PDE4D: variants seen among roughly 807,000 people sequenced by gnomAD.
PDE4D encodes the protein phosphodiesterase 4D, also known as 3',5'-cyclic-AMP phosphodiesterase 4D.
PDE4D carries 24 observed loss-of-function variants against 87.4 expected under a neutral mutation model. The observed-to-expected ratio is 0.27, with a 90% confidence interval of 0.20 to 0.39. PDE4D has a LOEUF of 0.39. Ranked by LOEUF, PDE4D falls within the 10% of genes least tolerant of loss-of-function variation. PDE4D has a pLI of 1.00. For synonymous variants in PDE4D, 384 were observed against 383.2 expected (o/e 1.00, Z -0.02); for missense variants, 714 against 1,041.0 (o/e 0.69, Z 4.32).
chr5:59,658,769 T>C (rs923089079), intron 1 of PDE4D, among the ~76,000 whole-genome samples: 2 of 152,136 alleles, frequency 1.3e-5, no homozygotes, highest in Non-Finnish European at 2.9e-5. Flanking sequence ...CTTTATTGCA[T>C]GGTTTAAAAA....
Position 58,975,897 on chromosome 5 carries a change from A to AT in PDE4D, c.1831-59_1831-58insA. The stretch of plus-strand genomic sequence containing the variant: ...CTGTTCCTTTTTTTTAAAAAAAAAA[A>AT]CAAAAAAAACTAGAAATTCACATTG... On this transcript the variant is annotated intron_variant, in intron 13 of 14. Transcript: ENST00000340635. This position sits in a 1 kb window ranked among gnomAD's most constrained non-coding sequence, Gnocchi z 4.2. 1 of 1,256,982 alleles carries AT rather than the reference A, an allele frequency of 8.0e-7. No homozygotes were observed. Among genetic ancestry groups the AT allele is most frequent in the Non-Finnish European group, 1.1e-6 (1 of 943,580 alleles). The allele number at this position is 1,256,982 out of a possible 1,614,324, so 77.9% of individuals were successfully genotyped here. A position where few individuals can be genotyped will look rare whatever the true frequency, so the allele number is the denominator to read the frequency against.
chr5:60,383,630 G>C (rs557605040), intron 1 of PDE4D, among the ~76,000 whole-genome samples: 1 of 152,322 alleles, frequency 6.6e-6, no homozygotes, highest in Admixed American at 6.5e-5. Flanking sequence ...CCAGTTCAGA[G>C]AGTTGGCGGA....
chr5:60,215,134 A>G (rs1743708821), intron 1 of PDE4D, among the ~76,000 whole-genome samples: 1 of 152,160 alleles, frequency 6.6e-6, no homozygotes, highest in Non-Finnish European at 1.5e-5. Flanking sequence ...AGCGATTTCT[A>G]TGATTCATTT....
chr5:59,773,770 C>T (rs1305902522), intron 1 of PDE4D, among the ~76,000 whole-genome samples: 2 of 152,076 alleles, frequency 1.3e-5, no homozygotes, highest in Non-Finnish European at 2.9e-5. Flanking sequence ...TCTAAAAGCA[C>T]ATCTGAACAC....
At chr5:60,370,545 G>A (rs1271810918) in intron 1 of PDE4D, among the ~76,000 whole-genome samples, 1 of 152,162 alleles carries the variant, frequency 6.6e-6, no homozygotes, top group Non-Finnish European at 1.5e-5. Context: ...GAAAGAAAAT[G>A]CAAACCTGAC....
intron 1 of PDE4D, among the ~76,000 whole-genome samples, chr5:60,187,341 T>C (rs1784865981): frequency 6.6e-6 from 1 of 152,158 alleles, no homozygotes. Flanking sequence ...ATGTTACTCA[T>C]GTAATTTAGG....
rs1352166705 is a variant in PDE4D at position 60,357,063 on chromosome 5, T to C, written c.-90+130879A>G. ...AAAATACTGCAACTAGAAACAGAGG[T>C]GGAGGAAAGAAAAGCATTTCAATCC... is the stretch of plus-strand genomic sequence containing the variant. On this transcript the variant is annotated intron_variant, in intron 1 of 16. Transcript: ENST00000502484. Among the ~76,000 whole-genome samples the C allele has an allele frequency of 2.0e-5, 3 of 150,880 alleles. No individual in the cohort carries two copies. In the South Asian group the frequency reaches 6.3e-4, roughly 32 times the overall value.
chr5:59,872,297 ACAC>A (rs1197538120), intron 1 of PDE4D, among the ~76,000 whole-genome samples: 131 of 139,316 alleles, frequency 9.4e-4, no homozygotes, highest in African/African-American at 3.9e-3. Context: ...ACACACACAC[ACAC>A]AAGAGCACAC....
chr5:59,930,825 G>A (rs992050096), intron 3 of PDE4D, among the ~76,000 whole-genome samples: 7 of 152,014 alleles, frequency 4.6e-5, no homozygotes, highest in African/African-American at 7.2e-5. Flanking sequence ...ACAATAATAC[G>A]CAGAGGTATG....
At chr5:59,673,832 A>C (rs1450791035) in intron 1 of PDE4D, among the ~76,000 whole-genome samples, 1 of 152,182 alleles carries the variant, frequency 6.6e-6, no homozygotes, top group Non-Finnish European at 1.5e-5. Flanking sequence ...TAACAATAAT[A>C]ATATGACATT....
At chr5:59,555,864 C>T (rs765590144) in intron 1 of PDE4D, among the ~76,000 whole-genome samples, 1 of 152,106 alleles carries the variant, frequency 6.6e-6, no homozygotes, top group Non-Finnish European at 1.5e-5. Context: ...TATGAAGCAT[C>T]CTCGCCTTGT....
chr5:60,490,431 C>G (rs1749470936), upstream of PDE4D: 2 of 152,132 alleles, frequency 1.3e-5, 1 homozygote, highest in South Asian at 4.2e-4. Context: ...TTTTCTTCAG[C>G]CTGTGCAAAA....
intron 2 of PDE4D, among the ~76,000 whole-genome samples, chr5:60,073,485 G>T (rs951226926): frequency 6.4e-5 from 9 of 140,560 alleles, no homozygotes; most frequent in Non-Finnish European, 1.4e-4. Context: ...CTGTGTGTTT[G>T]CCAGGTGTTT....
intron 1 of PDE4D, among the ~76,000 whole-genome samples, chr5:59,340,550 TTTAA>T (rs777095104): frequency 6.6e-6 from 1 of 152,178 alleles, no homozygotes; most frequent in Non-Finnish European, 1.5e-5. Flanking sequence ...AATTATACTC[TTTAA>T]TTAAAAAATG....
At chr5:59,429,340 T>G (rs1460004491) in intron 1 of PDE4D, among the ~76,000 whole-genome samples, 2 of 152,176 alleles carry the variant, frequency 1.3e-5, no homozygotes, top group African/African-American at 2.4e-5. Context: ...CAGAAAAGCC[T>G]TGATACTCTG....
At chr5:60,324,158 A>G (rs139961684) in intron 1 of PDE4D, among the ~76,000 whole-genome samples, 247 of 152,280 alleles carry the variant, frequency 1.6e-3, no homozygotes, top group African/African-American at 5.7e-3. Context: ...CAAACACTCA[A>G]AAGAATTTTT....
At chr5:60,068,544 T>G (rs1401712064) in intron 2 of PDE4D, among the ~76,000 whole-genome samples, 1 of 152,024 alleles carries the variant, frequency 6.6e-6, no homozygotes, top group African/African-American at 2.4e-5. Context: ...CCCCCCATTC[T>G]GTAAGTGTCC....
intron 1 of PDE4D, among the ~76,000 whole-genome samples, chr5:59,333,152 C>G (rs1005836341): frequency 2.0e-5 from 3 of 152,120 alleles, no homozygotes; most frequent in African/African-American, 7.2e-5. Context: ...ACTCTATAAT[C>G]AAAATCCAGT....
chr5:59,788,532 T>G (rs369388457), intron 1 of PDE4D, among the ~76,000 whole-genome samples: 1 of 152,224 alleles, frequency 6.6e-6, no homozygotes, highest in Non-Finnish European at 1.5e-5. Flanking sequence ...TTAACATCCA[T>G]TGGAGCAGCT....
Sources: allele counts gnomAD v4.1 joint callset (sites outside exome capture counted in the v4.1 genomes callset), GRCh38; gene constraint gnomAD v4.1.1; non-coding constraint Gnocchi (gnomAD v3.1); transcripts MANE v1.5; gene names NCBI Gene and HGNC (gene_info 2026-07-23, HGNC 2026-07-21).